Variants in ODAD2 observed in about 807,000 individuals in gnomAD.
ODAD2 encodes the protein outer dynein arm-docking complex subunit 2.
ODAD2 carries 89 observed loss-of-function variants against 106.8 expected under a neutral mutation model. That is an observed-to-expected ratio of 0.83 (90% CI 0.70 to 0.99). ODAD2 has a LOEUF of 0.99. Among genes scored for constraint, ODAD2 ranks in the 50% least tolerant of loss-of-function variants. The probability of loss-of-function intolerance (pLI) is 0.00; values close to 1 mark genes in which losing one functional copy is unlikely to be tolerated. For synonymous variants in ODAD2, 404 were observed against 436.2 expected (o/e 0.93, Z 0.92); for missense variants, 1,168 against 1,238.5 (o/e 0.94, Z 0.85).
At chr10:27,980,954 C>T (rs569330300) in intron 7 of ODAD2, among the ~76,000 whole-genome samples, 2 of 152,046 alleles carry the variant, frequency 1.3e-5, no homozygotes, top group Non-Finnish European at 2.9e-5. Flanking sequence ...ATGCATAAAC[C>T]AAATGTGGTC....
intron 10 of ODAD2, among the ~76,000 whole-genome samples, chr10:27,955,320 T>C (rs1361307062): frequency 6.6e-6 from 1 of 152,034 alleles, no homozygotes; most frequent in Non-Finnish European, 1.5e-5. Context: ...ATGGCAAGGG[T>C]TCCCTGTTGA....
rs183202090 is a variant in ODAD2, at chr10:27,818,610, T to G, written c.3022-5985A>C. Among the ~76,000 whole-genome samples, 204 of 152,240 alleles carry G rather than the reference T, an allele frequency of 1.3e-3. 1 individual carries two copies. The highest frequency in any genetic ancestry group is 1.8e-4 in the Non-Finnish European group (12 of 68,018). Reference sequence around the variant, plus strand: ...CTTGATTTCCATACGCAAATGAGATTTAGAAAAAAATCTAGTCTCCAATTG... The same window carrying G: ...CTTGATTTCCATACGCAAATGAGATGTAGAAAAAAATCTAGTCTCCAATTG... On this transcript the variant is annotated intron_variant, in intron 19 of 19. Coordinates refer to ENST00000305242, the MANE Select transcript of ODAD2 (RefSeq NM_018076.5).
At chr10:27,833,683 T>C (rs1414459973) in intron 19 of ODAD2, among the ~76,000 whole-genome samples, 3 of 152,244 alleles carry the variant, frequency 2.0e-5, no homozygotes, top group Non-Finnish European at 4.4e-5. Flanking sequence ...ATATCTGCTA[T>C]GTTCTGCTCT....
intron 18 of ODAD2, among the ~76,000 whole-genome samples, chr10:27,861,076 C>T (rs1840009643): frequency 1.3e-5 from 2 of 152,128 alleles, no homozygotes; most frequent in South Asian, 2.1e-4. Flanking sequence ...ACTGCAAGCT[C>T]GGCCTCCTGG....
At chr10:27,835,303 A>G (rs936922121) in intron 19 of ODAD2, among the ~76,000 whole-genome samples, 4 of 152,342 alleles carry the variant, frequency 2.6e-5, no homozygotes, top group Non-Finnish European at 4.4e-5. Flanking sequence ...AGTTGGTTCA[A>G]TGTACAGGAA....
In ODAD2 at chr10:27,900,279, A is replaced by G. The variant is rs192854062; in HGVS notation, c.2610+7384T>C. Reference sequence around the variant, plus strand: ...GAAAGGAATAGCATCAACATCAACAAAAAGGACGTCCACAAAAAATCCCCA... The same window carrying G: ...GAAAGGAATAGCATCAACATCAACAGAAAGGACGTCCACAAAAAATCCCCA... On this transcript the variant is annotated intron_variant, in intron 17 of 19. Coordinates refer to ENST00000305242, the MANE Select transcript of ODAD2 (RefSeq NM_018076.5). Among the ~76,000 whole-genome samples the G allele has an allele frequency of 3.5e-3, 538 of 152,262 alleles. 5 individuals carry two copies. The highest frequency in any genetic ancestry group is 0.012 in the African/African-American group (513 of 41,560).
At chr10:27,927,088 T>C (rs1253631267) in intron 16 of ODAD2, among the ~76,000 whole-genome samples, 1 of 152,046 alleles carries the variant, frequency 6.6e-6, no homozygotes, top group African/African-American at 2.4e-5. Flanking sequence ...TAGTCTGGAG[T>C]ACTGAAAAAA....
chr10:27,937,050 C>T (rs1425918961), intron 14 of ODAD2, among the ~76,000 whole-genome samples, 170 bp from the exon 15 acceptor site: 1 of 152,116 alleles, frequency 6.6e-6, no homozygotes, highest in African/African-American at 2.4e-5. Flanking sequence ...AGCTTTCTGA[C>T]AGCATGTCTC....
intron 10 of ODAD2, among the ~76,000 whole-genome samples, chr10:27,954,495 GTGAATGAA>G (rs10597575): frequency 0.11 from 16,876 of 151,018 alleles, 1,373 homozygotes; most frequent in African/African-American, 0.22. Flanking sequence ...ATAAACACGA[GTGAATGAA>G]TGAATGAATG....
Position 27,917,482 on chromosome 10 carries a change from T to G in ODAD2, c.2496-9705A>C, listed in dbSNP as rs550694260. Among the ~76,000 whole-genome samples the G allele has an allele frequency of 2.0e-3, 309 of 151,572 alleles. 2 individuals are homozygous for G. Among genetic ancestry groups the G allele is most frequent in the African/African-American group, 7.1e-3 (295 of 41,422 alleles). On this transcript the variant is annotated intron_variant, in intron 16 of 19. Transcript: ENST00000305242. ...AAGAAGCTAGAAAAAGAAGCAAAAG[T>G]TAAACACAAATAAGTACAATAAATA...
chr10:27,992,792 G>A (rs1435225779), intron 2 of ODAD2, among the ~76,000 whole-genome samples: 1 of 152,196 alleles, frequency 6.6e-6, no homozygotes, highest in Non-Finnish European at 1.5e-5. Flanking sequence ...TGAGAGGTGT[G>A]TGTCACAGCC....
intron 17 of ODAD2, among the ~76,000 whole-genome samples, chr10:27,885,643 ATATAT>A (rs1842081472): frequency 1.4e-5 from 1 of 69,002 alleles, no homozygotes; most frequent in Non-Finnish European, 2.5e-5. Context: ...TATATATTAT[ATATAT>A]TATATATAAT....
intron 9 of ODAD2, among the ~76,000 whole-genome samples, chr10:27,962,507 T>C (rs956618646): frequency 3.9e-5 from 6 of 152,166 alleles, no homozygotes; most frequent in Non-Finnish European, 7.4e-5. Context: ...CCATAATGCC[T>C]ACACTGAAGT....
At chr10:27,845,253 T>C (rs1400578628) in intron 19 of ODAD2, among the ~76,000 whole-genome samples, 1 of 151,908 alleles carries the variant, frequency 6.6e-6, no homozygotes, top group Admixed American at 6.6e-5. Context: ...CAGAAGAGAG[T>C]GGGGGCTGAT....
At chr10:27,987,622 G>C in intron 2 of ODAD2, 79 bp from the exon 3 acceptor site, 3 of 950,770 alleles carry the variant, frequency 3.2e-6, no homozygotes, top group Non-Finnish European at 4.6e-6. Context: ...CATTTAGACA[G>C]ATTATTCCTA....
chr10:27,919,204 T>C (rs1465502036), intron 16 of ODAD2, among the ~76,000 whole-genome samples: 1 of 151,988 alleles, frequency 6.6e-6, no homozygotes. Context: ...AAAAATAGTG[T>C]TTTCAATAAA....
chr10:27,818,961 C>A (rs772361042), intron 19 of ODAD2, among the ~76,000 whole-genome samples: 18 of 152,172 alleles, frequency 1.2e-4, no homozygotes, highest in Non-Finnish European at 2.1e-4. Flanking sequence ...AGTCACTGGG[C>A]ACATCACTGA....
At chr10:27,989,186 T>C (rs942839665) in intron 2 of ODAD2, among the ~76,000 whole-genome samples, 1 of 152,238 alleles carries the variant, frequency 6.6e-6, no homozygotes, top group African/African-American at 2.4e-5. Context: ...AATACATTTG[T>C]GTGTGTTAAG....
chr10:27,847,373 G>A (rs1156439910), intron 19 of ODAD2, among the ~76,000 whole-genome samples: 1 of 152,098 alleles, frequency 6.6e-6, no homozygotes, highest in African/African-American at 2.4e-5. Flanking sequence ...AAATTCAACA[G>A]CACTTCATGC....
Sources: allele counts gnomAD v4.1 joint callset (sites outside exome capture counted in the v4.1 genomes callset), GRCh38; gene constraint gnomAD v4.1.1; transcripts MANE v1.5; gene names NCBI Gene and HGNC (gene_info 2026-07-23, HGNC 2026-07-21).